Variants in KCNN2 observed in about 807,000 individuals in gnomAD.
The protein encoded by KCNN2 is small conductance calcium-activated potassium channel protein 2.
A neutral mutation model predicts 55.5 loss-of-function variants in KCNN2; 24 were observed. The ratio of observed to expected loss-of-function variants is 0.43; its 90% CI spans 0.31 to 0.61. The LOEUF is 0.61. KCNN2 is among the 20% of genes least tolerant of loss of function. KCNN2 has a pLI of 0.08. For missense variants in KCNN2, 754 were observed against 853.6 expected (o/e 0.88, Z 1.45); for synonymous variants, 431 against 336.1 (o/e 1.28, Z -3.09).
intron 1 of KCNN2, among the ~76,000 whole-genome samples, chr5:114,175,881 A>G (rs1246837174): frequency 6.6e-6 from 1 of 152,230 alleles, no homozygotes; most frequent in Non-Finnish European, 1.5e-5. Context: ...TTCTACATCA[A>G]TTCTGAAATG....
chr5:114,334,128 C>A (rs894418482), intron 2 of KCNN2, among the ~76,000 whole-genome samples: 3 of 152,058 alleles, frequency 2.0e-5, no homozygotes, highest in Non-Finnish European at 4.4e-5. Flanking sequence ...GATTCTGGGC[C>A]AGTCTTTTTA....
intron 2 of KCNN2, among the ~76,000 whole-genome samples, chr5:114,235,033 T>C (rs913684926): frequency 7.2e-5 from 11 of 152,196 alleles, no homozygotes; most frequent in African/African-American, 2.7e-4. Flanking sequence ...TCTGTGAACA[T>C]GAATATTCTT....
intron 2 of KCNN2, among the ~76,000 whole-genome samples, chr5:114,338,586 C>T (rs1024780022): frequency 2.0e-5 from 3 of 152,196 alleles, no homozygotes; most frequent in Admixed American, 6.5e-5. Context: ...TTCCTTCCTA[C>T]GTAGCTCTTC....
chr5:114,343,990 A>T (rs529709305), intron 2 of KCNN2, among the ~76,000 whole-genome samples: 18 of 152,160 alleles, frequency 1.2e-4, no homozygotes, highest in Non-Finnish European at 2.6e-4. Context: ...AAAGGATTCT[A>T]GTTTATATTT....
intron 2 of KCNN2, among the ~76,000 whole-genome samples, chr5:114,306,412 C>A (rs1385800330): frequency 2.0e-5 from 3 of 152,150 alleles, no homozygotes; most frequent in African/African-American, 7.2e-5. Context: ...TGATACTAAT[C>A]TCTGCAATTC....
At chr5:114,066,196 G>A (rs1750446405) in intron 1 of KCNN2, among the ~76,000 whole-genome samples, 1 of 152,120 alleles carries the variant, frequency 6.6e-6, no homozygotes, top group East Asian at 1.9e-4. Context: ...TTTAAGCAAT[G>A]GTGTCATAAA....
At chr5:114,239,769 T>C (rs1458995879) in intron 2 of KCNN2, among the ~76,000 whole-genome samples, 1 of 152,190 alleles carries the variant, frequency 6.6e-6, no homozygotes, top group East Asian at 1.9e-4. Context: ...TTCTCCTTTA[T>C]TTTACCAATT....
intron 3 of KCNN2, among the ~76,000 whole-genome samples, chr5:114,431,814 C>A (rs966257479): frequency 1.3e-5 from 2 of 151,860 alleles, no homozygotes; most frequent in African/African-American, 4.8e-5. Context: ...TTTTAAATTT[C>A]TCTTGAGAAT....
At chr5:114,442,459 A>G (rs1343489202) in intron 3 of KCNN2, among the ~76,000 whole-genome samples, 3 of 152,124 alleles carry the variant, frequency 2.0e-5, no homozygotes, top group South Asian at 4.1e-4. Flanking sequence ...GAATTTACCT[A>G]TGTGGGGTGA....
Position 114,164,721 on chromosome 5 carries a change from T to C in KCNN2, c.-270-56759T>C, listed in dbSNP as rs546160033. Among the ~76,000 whole-genome samples the C allele has an allele frequency of 3.9e-5, 6 of 152,302 alleles. No individual in the cohort carries two copies. In the South Asian group the frequency reaches 1.2e-3, roughly 32 times the overall value. ...CGCATTTTGGATGTACATATTTAAATTTAGTAATGTGACGATCCTATAAGT... is the reference window on the plus strand; with the variant it reads ...CGCATTTTGGATGTACATATTTAAACTTAGTAATGTGACGATCCTATAAGT... On this transcript the variant is annotated intron_variant, in intron 1 of 10. Transcript: ENST00000512097.
intron 2 of KCNN2, among the ~76,000 whole-genome samples, chr5:114,294,644 T>C (rs1289781305): frequency 6.6e-6 from 1 of 152,142 alleles, no homozygotes; most frequent in African/African-American, 2.4e-5. Flanking sequence ...AGGTGTGGTG[T>C]GGTGCTGAAA....
At chr5:114,358,462 A>AC (rs1757339776), upstream of KCNN2, among the ~76,000 whole-genome samples, 1 of 152,216 alleles carries the variant, frequency 6.6e-6, no homozygotes, top group African/African-American at 2.4e-5. Context: ...AAAATAGGCA[A>AC]TTTTTATTAA....
intron 2 of KCNN2, among the ~76,000 whole-genome samples, chr5:114,261,026 A>G (rs1277965149): frequency 2.0e-5 from 3 of 152,200 alleles, no homozygotes; most frequent in Non-Finnish European, 2.9e-5. Flanking sequence ...TGGTGTGGTT[A>G]TATTATTTGT....
chr5:114,325,189 A>T (rs1756692239), intron 2 of KCNN2, among the ~76,000 whole-genome samples: 1 of 152,212 alleles, frequency 6.6e-6, no homozygotes, highest in Admixed American at 6.5e-5. Context: ...TGCAAGAAGA[A>T]ACAGATAAAT....
chr5:114,248,328 A>G (rs1181254493), intron 2 of KCNN2, among the ~76,000 whole-genome samples: 1 of 152,160 alleles, frequency 6.6e-6, no homozygotes, highest in Non-Finnish European at 1.5e-5. Context: ...ATTTGCCTCA[A>G]TTAGAACTGA....
At chr5:114,249,558 G>C (rs1257549150) in intron 2 of KCNN2, among the ~76,000 whole-genome samples, 1 of 151,676 alleles carries the variant, frequency 6.6e-6, no homozygotes, top group Non-Finnish European at 1.5e-5. Context: ...AAGTGCTGGG[G>C]TTACAGGCAT....
chr5:114,442,903 G>A (rs904141453), intron 3 of KCNN2, among the ~76,000 whole-genome samples: 1 of 152,012 alleles, frequency 6.6e-6, no homozygotes, highest in African/African-American at 2.4e-5. Flanking sequence ...TAGTGCATGA[G>A]CATGGTCAGA....
chr5:114,234,877 G>C (rs62382886), intron 2 of KCNN2, among the ~76,000 whole-genome samples: 19,392 of 152,142 alleles, frequency 0.13, 1,742 homozygotes, highest in East Asian at 0.53. Context: ...TCTTCATTTG[G>C]TTAAGCAAGT....
chr5:114,440,187 G>A (rs1221711220), intron 3 of KCNN2, among the ~76,000 whole-genome samples: 1 of 152,010 alleles, frequency 6.6e-6, no homozygotes, highest in African/African-American at 2.4e-5. Context: ...AAAGGAGTCA[G>A]AAAAAGAAAA....
Sources: gnomAD v4.1 joint callset for allele counts (sites outside exome capture counted in the v4.1 genomes callset) on GRCh38, gnomAD v4.1.1 for gene constraint, MANE v1.5 for transcripts, NCBI Gene and HGNC (gene_info 2026-07-23, HGNC 2026-07-21) for gene names.